LGR5: variants seen among roughly 807,000 people sequenced by gnomAD.
LGR5 encodes leucine-rich repeat-containing G protein-coupled receptor 5.
LGR5 carries 54 observed loss-of-function variants against 76.7 expected under a neutral mutation model. That is an observed-to-expected ratio of 0.70 (90% CI 0.57 to 0.88). The LOEUF (loss-of-function observed/expected upper bound fraction) is 0.88, where lower values mean the gene tolerates loss of function less well. Among genes scored for constraint, LGR5 ranks in the 40% least tolerant of loss-of-function variants. LGR5 has a pLI of 0.00. For missense variants in LGR5, 1,078 were observed against 1,073.3 expected, an observed-to-expected ratio of 1.00 and a Z score of -0.06; for synonymous variants, 406 against 421.9, an observed-to-expected ratio of 0.96 and a Z score of 0.46.
chr12:71,565,828 A>G (rs992096229), intron 8 of LGR5, among the ~76,000 whole-genome samples: 2 of 152,052 alleles, frequency 1.3e-5, no homozygotes, highest in African/African-American at 2.4e-5. Flanking sequence ...CATTGAAAAC[A>G]TCTGTAAAAC....
chr12:71,526,406 T>C (rs924834965), intron 3 of LGR5, among the ~76,000 whole-genome samples: 1 of 151,914 alleles, frequency 6.6e-6, no homozygotes, highest in African/African-American at 2.4e-5. Context: ...TTATTTCTCA[T>C]GCTAACTATT....
At position 71,495,834 on chromosome 12, in the gene LGR5, A is replaced by T. The variant is rs528757724; in HGVS notation, c.213-8780A>T. On this transcript the variant is annotated intron_variant, in intron 1 of 17. Transcript: ENST00000266674. ...TAGAAAATGAGAGTAATATTAGAAAAAGAAAGATTATTAGCCCTTTCCTTA... is the reference window on the plus strand; with the variant it reads ...TAGAAAATGAGAGTAATATTAGAAATAGAAAGATTATTAGCCCTTTCCTTA... Among the ~76,000 whole-genome samples, 7 of 151,414 alleles carry T rather than the reference A, an allele frequency of 4.6e-5. No homozygotes were observed. In the East Asian group the frequency reaches 1.3e-3, roughly 29 times the overall value.
chr12:71,491,886 A>G (rs932153129), intron 1 of LGR5, among the ~76,000 whole-genome samples: 6 of 150,724 alleles, frequency 4.0e-5, no homozygotes, highest in Admixed American at 2.0e-4. Flanking sequence ...TTTGTTGCAC[A>G]TAAGTCTTGA....
At chr12:71,457,034 G>A (rs996804611) in intron 1 of LGR5, among the ~76,000 whole-genome samples, 2 of 151,946 alleles carry the variant, frequency 1.3e-5, no homozygotes, top group African/African-American at 4.8e-5. Context: ...TTTTGCCTAT[G>A]GTAGGGGAAT....
chr12:71,481,934 A>C (rs1873625529), intron 1 of LGR5, among the ~76,000 whole-genome samples: 4 of 152,208 alleles, frequency 2.6e-5, no homozygotes, highest in Non-Finnish European at 5.9e-5. Context: ...CACCAGAGTC[A>C]CTTCCTAGAT....
intron 1 of LGR5, among the ~76,000 whole-genome samples, chr12:71,459,432 C>A (rs368081765): frequency 3.3e-5 from 5 of 152,104 alleles, no homozygotes; most frequent in Non-Finnish European, 7.4e-5. Context: ...CAGGTACATA[C>A]GCTGAGCCCC....
chr12:71,541,088 G>A (rs541373193), intron 4 of LGR5, among the ~76,000 whole-genome samples: 6 of 152,254 alleles, frequency 3.9e-5, no homozygotes, highest in Admixed American at 3.3e-4. Flanking sequence ...TTCACTTCAC[G>A]GAACCATATG....
chr12:71,584,861 C>T lies in LGR5; in HGVS notation c.*127C>T. 1.1e-6 allele frequency: 1 copy of T among 946,220 alleles called. No homozygotes were observed. Among genetic ancestry groups the T allele is most frequent in the South Asian group, 1.7e-5 (1 of 59,086 alleles). 58.6% of individuals were successfully genotyped at this position (946,220 alleles called of 1,614,324 possible). ...GTTTAAAAACCAAAAAAGAATCTCT[C>T]AGTTAGTAAGAAAAGGCTGAAAACC... On this transcript the variant is annotated 3_prime_UTR_variant, in exon 18 of 18. Transcript: ENST00000266674.
At position 71,466,674 on chromosome 12, in the gene LGR5, T is replaced by G. The variant is rs569575557; in HGVS notation, c.212+26382T>G. ...TAATAATTTCCTCTGTCTTCCATGT[T>G]TTTTTTTTTATGAGTAGTAGGTAAG... is the stretch of plus-strand genomic sequence containing the variant. On this transcript the variant is annotated intron_variant, in intron 1 of 17. Transcript: ENST00000266674. Among the ~76,000 whole-genome samples the G allele has an allele frequency of 1.9e-3, 280 of 144,738 alleles. 3 individuals carry two copies. In the East Asian group the frequency reaches 0.031, roughly 16 times the overall value. 95.0% of individuals were successfully genotyped at this position (144,738 alleles called of 152,430 possible).
chr12:71,498,170 A>G (rs1172557849), intron 1 of LGR5, among the ~76,000 whole-genome samples: 2 of 152,212 alleles, frequency 1.3e-5, no homozygotes, highest in African/African-American at 4.8e-5. Context: ...AAGAAAACAA[A>G]TAGGATCGAC....
intron 16 of LGR5, among the ~76,000 whole-genome samples, chr12:71,580,875 T>C (rs1879062351): frequency 6.6e-6 from 1 of 152,172 alleles, no homozygotes; most frequent in South Asian, 2.1e-4. Context: ...CTCAGCAAAT[T>C]GTGAATAAAT....
At chr12:71,555,786 G>C (rs1877727920) in intron 5 of LGR5, among the ~76,000 whole-genome samples, 1 of 152,104 alleles carries the variant, frequency 6.6e-6, no homozygotes, top group African/African-American at 2.4e-5. Context: ...AAGACCTAAA[G>C]ACAGAACTAC....
intron 3 of LGR5, among the ~76,000 whole-genome samples, chr12:71,532,871 C>G (rs1487900728): frequency 1.3e-5 from 2 of 151,886 alleles, no homozygotes; most frequent in African/African-American, 4.8e-5. Context: ...ACCACTCTCA[C>G]TTCCCCAAGT....
rs538483912 is a variant in LGR5, at chr12:71,463,653, G to A, written c.212+23361G>A. On this transcript the variant is annotated intron_variant, in intron 1 of 17. Transcript: ENST00000266674. The stretch of plus-strand genomic sequence containing the variant: ...TCTCTCCAAATCCCTACTTGACTAA[G>A]TAGCTTTGAGACCAATTTACGATAG... Among the ~76,000 whole-genome samples, 25 of 152,228 alleles carry A rather than the reference G, an allele frequency of 1.6e-4. No individual in the cohort carries two copies. In the East Asian group the frequency reaches 4.8e-3, roughly 29 times the overall value.
intron 1 of LGR5, among the ~76,000 whole-genome samples, chr12:71,458,193 G>A (rs1466253586): frequency 1.3e-5 from 2 of 152,122 alleles, no homozygotes; most frequent in South Asian, 4.1e-4. Flanking sequence ...AGTAGATATG[G>A]TATCTGTAAC....
intron 1 of LGR5, among the ~76,000 whole-genome samples, chr12:71,486,548 T>G: frequency 6.6e-6 from 1 of 152,300 alleles, no homozygotes; most frequent in Non-Finnish European, 1.5e-5. Context: ...AAATCTGGAT[T>G]TATTTGTTAA....
Position 71,566,611 on chromosome 12 carries a change from C to A in LGR5, c.930-21C>A, listed in dbSNP as rs754027007. 6.3e-6 allele frequency: 10 copies of A among 1,594,854 alleles called. No homozygotes were observed. In the East Asian group the frequency reaches 2.2e-4, roughly 36 times the overall value. ...TGTCTAGAATCTTCTACCAGTAATA[C>A]TTATATACTCCTCTTTCTAGGACTC... is the stretch of plus-strand genomic sequence containing the variant. On this transcript the variant is annotated intron_variant, in intron 9 of 17. Transcript: ENST00000266674.
At chr12:71,579,875 C>T (rs1879017328) in intron 15 of LGR5, among the ~76,000 whole-genome samples, 1 of 152,192 alleles carries the variant, frequency 6.6e-6, no homozygotes, top group Non-Finnish European at 1.5e-5. Flanking sequence ...TCTTTCCAAG[C>T]TTTGTTTCCA....
At chr12:71,541,145 G>A (rs1310417686) in intron 4 of LGR5, among the ~76,000 whole-genome samples, 5 of 152,074 alleles carry the variant, frequency 3.3e-5, no homozygotes, top group South Asian at 2.1e-4. Flanking sequence ...AGTTTTGCCC[G>A]GACTCTTCTC....
Sources: allele counts gnomAD v4.1 joint callset (sites outside exome capture counted in the v4.1 genomes callset), GRCh38; gene constraint gnomAD v4.1.1; transcripts MANE v1.5; gene names NCBI Gene and HGNC (gene_info 2026-07-23, HGNC 2026-07-21).